PTPRG: variants seen among roughly 807,000 people sequenced by gnomAD.
The protein encoded by PTPRG is receptor-type tyrosine-protein phosphatase gamma.
A neutral mutation model predicts 165.3 loss-of-function variants in PTPRG; 102 were observed. The ratio of observed to expected loss-of-function variants is 0.62; its 90% CI spans 0.53 to 0.73. PTPRG has a LOEUF of 0.73. PTPRG is among the 30% of genes least tolerant of loss of function. PTPRG has a pLI of 0.00. For synonymous variants in PTPRG, 675 were observed against 669.5 expected, an observed-to-expected ratio of 1.01 and a Z score of -0.13; for missense variants, 1,866 against 1,861.4, an observed-to-expected ratio of 1.00 and a Z score of -0.05.
At chr3:61,680,704 A>C (rs1253495887) in intron 1 of PTPRG, among the ~76,000 whole-genome samples, 1 of 151,004 alleles carries the variant, frequency 6.6e-6, no homozygotes, top group East Asian at 1.9e-4. Context: ...TATATTGGTG[A>C]GCAAACTTTT....
intron 5 of PTPRG, among the ~76,000 whole-genome samples, chr3:62,095,704 A>G (rs916262982): frequency 6.6e-6 from 1 of 152,158 alleles, no homozygotes; most frequent in Non-Finnish European, 1.5e-5. Context: ...CTAGTGAGGG[A>G]AAAAGACATT....
At chr3:62,170,231 A>AC (rs568350142) in intron 8 of PTPRG, among the ~76,000 whole-genome samples, 56 of 150,312 alleles carry the variant, frequency 3.7e-4, no homozygotes, top group Middle Eastern at 3.4e-3. Context: ...ACATGAACTA[A>AC]TTTTTTTTTT....
At chr3:61,723,957 C>T (rs2032152597) in intron 1 of PTPRG, among the ~76,000 whole-genome samples, 1 of 152,176 alleles carries the variant, frequency 6.6e-6, no homozygotes, top group African/African-American at 2.4e-5. Context: ...TTGGGCTGGG[C>T]CCTGTGGCTC....
chr3:61,580,489 T>C (rs1575515592), intron 1 of PTPRG, among the ~76,000 whole-genome samples: 1 of 151,460 alleles, frequency 6.6e-6, no homozygotes, highest in African/African-American at 2.4e-5. Context: ...CAAGAGATTC[T>C]CCTGCCTCAG....
chr3:61,750,105 A>G (rs1377734577), intron 2 of PTPRG: 1 of 152,212 alleles, frequency 6.6e-6, no homozygotes, highest in African/African-American at 2.4e-5. Flanking sequence ...GAAGTTTTCC[A>G]TCACACCCAG....
rs190420767 is a variant in PTPRG at position 61,845,411 on chromosome 3, C to G, written c.190+96429C>G. On this transcript the variant is annotated intron_variant, in intron 2 of 29. Coordinates refer to ENST00000474889, the MANE Select transcript of PTPRG (RefSeq NM_002841.4). ...TTGAGGCAAACAGCAGAGACTGTTG[C>G]TTTAGGCAGCCAAAGGCAAATGTTT... 9.8e-4 allele frequency among the ~76,000 whole-genome samples: 150 copies of G among 152,300 alleles called. 2 individuals are homozygous for G. Among genetic ancestry groups the G allele is most frequent in the Non-Finnish European group, 3.7e-4 (25 of 68,020 alleles).
At chr3:62,171,565 C>G (rs181080654) in intron 8 of PTPRG, among the ~76,000 whole-genome samples, 2 of 152,152 alleles carry the variant, frequency 1.3e-5, no homozygotes. Flanking sequence ...CATTTGCAGT[C>G]AGTTATTTCT....
intron 9 of PTPRG, among the ~76,000 whole-genome samples, chr3:62,194,426 G>C (rs1699909677): frequency 6.6e-6 from 1 of 152,168 alleles, no homozygotes; most frequent in South Asian, 2.1e-4. Flanking sequence ...TGAGTGGTAT[G>C]AGGAGACTAT....
At chr3:62,202,529 T>C (rs1278403089) in intron 11 of PTPRG, among the ~76,000 whole-genome samples, 1 of 152,242 alleles carries the variant, frequency 6.6e-6, no homozygotes, top group Non-Finnish European at 1.5e-5. Flanking sequence ...CGGATCAACT[T>C]AGAAACTGCA....
intron 2 of PTPRG, among the ~76,000 whole-genome samples, chr3:61,800,151 G>A (rs768317648): frequency 2.6e-5 from 4 of 152,170 alleles, no homozygotes; most frequent in Non-Finnish European, 5.9e-5. Context: ...TTGTGTGACT[G>A]TGTCCATCAG....
intron 5 of PTPRG, among the ~76,000 whole-genome samples, chr3:62,122,186 C>G (rs753659735): frequency 6.6e-6 from 1 of 152,142 alleles, no homozygotes; most frequent in Non-Finnish European, 1.5e-5. Flanking sequence ...TCAAATGCTC[C>G]GACAGCTTTA....
chr3:62,243,007 C>T (rs1369353870), intron 14 of PTPRG, among the ~76,000 whole-genome samples: 3 of 152,000 alleles, frequency 2.0e-5, no homozygotes, highest in Non-Finnish European at 4.4e-5. Context: ...TCACGCTGAG[C>T]AGCTTCATTA....
intron 4 of PTPRG, among the ~76,000 whole-genome samples, chr3:62,024,690 G>C (rs995657352): frequency 6.6e-6 from 1 of 152,146 alleles, no homozygotes; most frequent in Non-Finnish European, 1.5e-5. Flanking sequence ...TTTAAAGAAA[G>C]TAAACATTAT....
At chr3:61,607,885 G>T in intron 1 of PTPRG, among the ~76,000 whole-genome samples, 1 of 152,194 alleles carries the variant, frequency 6.6e-6, no homozygotes, top group East Asian at 1.9e-4. Context: ...TCTTCTCCAG[G>T]CCTGGCGGGG....
At chr3:61,629,696 A>G (rs1363848503) in intron 1 of PTPRG, among the ~76,000 whole-genome samples, 1 of 152,172 alleles carries the variant, frequency 6.6e-6, no homozygotes, top group Non-Finnish European at 1.5e-5. Context: ...CTTGTAACTG[A>G]TATTGCTTTT....
chr3:62,089,435 G>A lies in PTPRG; in HGVS notation c.615+11177G>A, dbSNP rs148267876. Among the ~76,000 whole-genome samples, 936 of 152,252 alleles carry A rather than the reference G, an allele frequency of 6.1e-3. 9 individuals are homozygous for A. The highest frequency in any genetic ancestry group is 6.6e-3 in the Non-Finnish European group (450 of 68,018). On this transcript the variant is annotated intron_variant, in intron 5 of 29. Coordinates refer to ENST00000474889, the MANE Select transcript of PTPRG (RefSeq NM_002841.4). ...GCTGATTGTGATATTTTTCAAGAATGCAACTCCTGTGGTTTGTAAAGGATT... is the reference window on the plus strand; with the variant it reads ...GCTGATTGTGATATTTTTCAAGAATACAACTCCTGTGGTTTGTAAAGGATT...
intron 6 of PTPRG, among the ~76,000 whole-genome samples, chr3:62,149,699 T>C (rs972225099): frequency 1.3e-5 from 2 of 152,190 alleles, no homozygotes; most frequent in East Asian, 1.9e-4. Flanking sequence ...TTGCCCACTG[T>C]CACACCCACC....
At chr3:62,072,553 A>G (rs1008755107) in intron 4 of PTPRG, among the ~76,000 whole-genome samples, 9 of 151,884 alleles carry the variant, frequency 5.9e-5, no homozygotes, top group East Asian at 1.9e-4. Flanking sequence ...CAAGCAGTCT[A>G]TCGGTGGCTT....
chr3:61,788,089 G>GAC (rs1319395701), intron 2 of PTPRG, among the ~76,000 whole-genome samples: 1 of 152,096 alleles, frequency 6.6e-6, no homozygotes, highest in African/African-American at 2.4e-5. Context: ...GTCCTCAAAG[G>GAC]ACACACGGCC....
Sources: gnomAD v4.1 joint callset for allele counts (sites outside exome capture counted in the v4.1 genomes callset) on GRCh38, gnomAD v4.1.1 for gene constraint, MANE v1.5 for transcripts, NCBI Gene and HGNC (gene_info 2026-07-23, HGNC 2026-07-21) for gene names.